GALK2: variants seen among roughly 807,000 people sequenced by gnomAD.
GALK2 encodes the protein N-acetylgalactosamine kinase.
Under a neutral mutation model 52.4 loss-of-function variants are expected in GALK2, and 36 were observed. The ratio of observed to expected loss-of-function variants is 0.69; its 90% CI spans 0.53 to 0.91. The LOEUF (loss-of-function observed/expected upper bound fraction) is 0.91, where lower values mean the gene tolerates loss of function less well. Among genes scored for constraint, GALK2 ranks in the 40% least tolerant of loss-of-function variants. The probability of loss-of-function intolerance (pLI) is 0.00; values close to 1 mark genes in which losing one functional copy is unlikely to be tolerated. For missense variants in GALK2, 579 were observed against 559.1 expected, an observed-to-expected ratio of 1.04 and a Z score of -0.36; for synonymous variants, 176 against 199.1, an observed-to-expected ratio of 0.88 and a Z score of 0.98.
intron 5 of GALK2, among the ~76,000 whole-genome samples, chr15:49,242,494 C>T (rs1210775424): frequency 6.6e-6 from 1 of 152,106 alleles, no homozygotes; most frequent in Non-Finnish European, 1.5e-5. Flanking sequence ...AGAGGGACAA[C>T]CGAAAATAAC....
intron 1 of GALK2, chr15:49,156,568 A>G: frequency 1.9e-6 from 1 of 519,584 alleles, no homozygotes; most frequent in South Asian, 1.5e-5. Context: ...TGCAGCTGAA[A>G]GCTGCTGAAA....
chr15:49,168,024 A>C, upstream of GALK2, among the ~76,000 whole-genome samples: 1 of 152,218 alleles, frequency 6.6e-6, no homozygotes, highest in Non-Finnish European at 1.5e-5. Flanking sequence ...TCACATATTC[A>C]GAAGTAGTAT....
In GALK2 at chr15:49,341,533, G is replaced by T. The variant is rs563185876; in HGVS notation, c.426+21728G>T. On this transcript the variant is annotated intron_variant, in intron 3 of 3. Transcript: ENST00000558399. ...ACCATGCCTAATTTTTGTATTTTTA[G>T]TAGAGATGAGGTTTCACCATGTTGC... Among the ~76,000 whole-genome samples the T allele has an allele frequency of 1.1e-4, 17 of 152,146 alleles. No individual in the cohort carries two copies. In the South Asian group the frequency reaches 3.5e-3, roughly 32 times the overall value.
chr15:49,305,289 A>G (rs1391866065), intron 8 of GALK2, among the ~76,000 whole-genome samples: 1 of 152,214 alleles, frequency 6.6e-6, no homozygotes, highest in Non-Finnish European at 1.5e-5. Flanking sequence ...CTAACAGTTT[A>G]ACCATATGAG....
intron 5 of GALK2, among the ~76,000 whole-genome samples, chr15:49,261,237 T>A (rs1443045620): frequency 1.3e-5 from 2 of 148,862 alleles, no homozygotes; most frequent in Non-Finnish European, 3.0e-5. Context: ...TCCTCTTTTA[T>A]TTCCTTGAGC....
At chr15:49,157,295 G>T (rs1227895008) in intron 1 of GALK2, among the ~76,000 whole-genome samples, 1 of 151,906 alleles carries the variant, frequency 6.6e-6, no homozygotes, top group Non-Finnish European at 1.5e-5. Flanking sequence ...TTCTTGCTAG[G>T]GAAAGAGACT....
downstream of GALK2, chr15:49,335,552 C>T (rs2151178298): frequency 7.5e-7 from 1 of 1,330,642 alleles, no homozygotes; most frequent in Non-Finnish European, 1.1e-6. Flanking sequence ...GGGAAGTAAA[C>T]AGTACCCTTC....
At chr15:49,303,983 C>A (rs1243002796) in intron 8 of GALK2, among the ~76,000 whole-genome samples, 2 of 152,172 alleles carry the variant, frequency 1.3e-5, no homozygotes, top group Non-Finnish European at 2.9e-5. Context: ...GTGAAATTAT[C>A]AAAGGATCAG....
chr15:49,273,457 A>G (rs1055088139), intron 5 of GALK2, among the ~76,000 whole-genome samples: 1 of 152,176 alleles, frequency 6.6e-6, no homozygotes, highest in Non-Finnish European at 1.5e-5. Flanking sequence ...TTCTTGAAGT[A>G]AAAAATGCGA....
intron 2 of GALK2, among the ~76,000 whole-genome samples, chr15:49,216,186 A>G (rs1223216101): frequency 6.6e-6 from 1 of 152,156 alleles, no homozygotes; most frequent in Non-Finnish European, 1.5e-5. Context: ...TGAAGCCTGT[A>G]TAATACTGGA....
At chr15:49,356,066 G>C (rs889610407) in intron 3 of GALK2, among the ~76,000 whole-genome samples, 2 of 146,770 alleles carry the variant, frequency 1.4e-5, no homozygotes, top group Non-Finnish European at 3.0e-5. Flanking sequence ...CAACAGGCCT[G>C]CCTTACAAGA....
intron 8 of GALK2, among the ~76,000 whole-genome samples, chr15:49,303,517 G>GC (rs1398316528): frequency 1.3e-5 from 2 of 152,212 alleles, no homozygotes; most frequent in African/African-American, 4.8e-5. Context: ...TGCATGAACT[G>GC]CCGTGGCACC....
chr15:49,364,786 T>C (rs1355130805), intron 3 of GALK2, among the ~76,000 whole-genome samples: 1 of 152,154 alleles, frequency 6.6e-6, no homozygotes, highest in African/African-American at 2.4e-5. Flanking sequence ...TTGATAGTAA[T>C]ACTTTTATCT....
At chr15:49,177,779 G>GA in intron 1 of GALK2, 1 of 591,776 alleles carries the variant, frequency 1.7e-6, no homozygotes, top group Non-Finnish European at 2.7e-6. Context: ...TGGGTGGCAG[G>GA]ATTTTTTCTG....
At chr15:49,202,720 T>C (rs1175392365) in intron 2 of GALK2, among the ~76,000 whole-genome samples, 1 of 152,242 alleles carries the variant, frequency 6.6e-6, no homozygotes, top group Non-Finnish European at 1.5e-5. Flanking sequence ...ATATACCTAG[T>C]AATGGGATTG....
chr15:49,156,317 T>C (rs2084447254), intron 1 of GALK2: 1 of 431,766 alleles, frequency 2.3e-6, no homozygotes, highest in Non-Finnish European at 4.3e-6. Context: ...GGGCATCATG[T>C]TGTAAGGAGA....
At chr15:49,203,707 G>A (rs2087996073) in intron 2 of GALK2, among the ~76,000 whole-genome samples, 1 of 152,052 alleles carries the variant, frequency 6.6e-6, no homozygotes, top group African/African-American at 2.4e-5. Context: ...TTTATAAATG[G>A]TGAGATATTG....
chr15:49,171,361 C>CG (rs1371711051), intron 1 of GALK2, among the ~76,000 whole-genome samples: 2 of 152,118 alleles, frequency 1.3e-5, no homozygotes, highest in Non-Finnish European at 2.9e-5. Context: ...GGATTACAGA[C>CG]GTGAGCCATC....
At chr15:49,211,003 ACACG>A (rs934155503) in intron 2 of GALK2, among the ~76,000 whole-genome samples, 17 of 147,692 alleles carry the variant, frequency 1.2e-4, no homozygotes, top group African/African-American at 4.2e-4. Flanking sequence ...ACACACACAC[ACACG>A]GCCTTTTCAT....
Sources: gnomAD v4.1 joint callset for allele counts (sites outside exome capture counted in the v4.1 genomes callset) on GRCh38, gnomAD v4.1.1 for gene constraint, MANE v1.5 for transcripts, NCBI Gene and HGNC (gene_info 2026-07-23, HGNC 2026-07-21) for gene names.